TOX2: variants seen among roughly 807,000 people sequenced by gnomAD.
TOX2 encodes the protein TOX high mobility group box family member 2.
Under a neutral mutation model 47.4 loss-of-function variants are expected in TOX2, and 15 were observed. The ratio of observed to expected loss-of-function variants is 0.32; its 90% confidence interval spans 0.21 to 0.49. The LOEUF (loss-of-function observed/expected upper bound fraction) is 0.49. TOX2 is among the 20% of genes least tolerant of loss of function. The probability of loss-of-function intolerance (pLI) is 0.99; values close to 1 mark genes in which losing one functional copy is unlikely to be tolerated. For missense variants in TOX2, 622 were observed against 673.1 expected, an observed-to-expected ratio of 0.92 and a Z score of 0.84; for synonymous variants, 290 against 296.6, an observed-to-expected ratio of 0.98 and a Z score of 0.23.
intron 5 of TOX2, among the ~76,000 whole-genome samples, chr20:44,057,726 CATTT>C (rs2071645942): frequency 6.6e-6 from 1 of 151,952 alleles, no homozygotes; most frequent in African/African-American, 2.4e-5. Flanking sequence ...AAACAATAAT[CATTT>C]ATTCAACTTA....
At chr20:43,968,887 A>T (rs2069908990) in intron 1 of TOX2, among the ~76,000 whole-genome samples, 1 of 152,204 alleles carries the variant, frequency 6.6e-6, no homozygotes, top group Non-Finnish European at 1.5e-5. Flanking sequence ...AGCATAGGGA[A>T]GGCTGTGTGG....
At chr20:44,005,307 A>G (rs2070658395) in intron 2 of TOX2, among the ~76,000 whole-genome samples, 1 of 152,102 alleles carries the variant, frequency 6.6e-6, no homozygotes, top group Admixed American at 6.6e-5. Flanking sequence ...TCTCTTTCAT[A>G]TTTCCTTTTT....
chr20:44,005,933 C>T (rs929789660), intron 2 of TOX2, among the ~76,000 whole-genome samples: 1 of 150,996 alleles, frequency 6.6e-6, no homozygotes, highest in Middle Eastern at 3.4e-3. Flanking sequence ...GACAGTTTGG[C>T]GAGGTGGGAA....
At chr20:43,933,343 A>C (rs1257735387) in intron 1 of TOX2, among the ~76,000 whole-genome samples, 1 of 152,236 alleles carries the variant, frequency 6.6e-6, no homozygotes, top group Non-Finnish European at 1.5e-5. Context: ...GCTGATCCCC[A>C]CAGAGGGCTG....
rs901072676 is a variant in TOX2, at chr20:44,066,947, G to A, written c.1484+90G>A. The A allele has an allele frequency of 1.4e-5, 22 of 1,532,652 alleles. No individual in the cohort carries two copies. The East Asian group carries it at 2.9e-4, about 21-fold the overall frequency. 94.9% of individuals were successfully genotyped at this position (1,532,652 alleles called of 1,614,324 possible). On this transcript the variant is annotated intron_variant, in intron 8 of 8. Coordinates refer to ENST00000341197, the MANE Select transcript of TOX2 (RefSeq NM_001098797.2). ...GGATGGGAGAATGGCCAAGGGCAAC[G>A]TGGACAGGGGAGGACCCTGCAGTCA...
chr20:44,057,743 A>G (rs531844841), intron 5 of TOX2, among the ~76,000 whole-genome samples: 2 of 152,224 alleles, frequency 1.3e-5, no homozygotes, highest in South Asian at 4.1e-4. Flanking sequence ...TCAACTTATG[A>G]TTCTGAGGGT....
At chr20:44,044,528 G>A (rs1285845799) in intron 3 of TOX2, among the ~76,000 whole-genome samples, 3 of 151,870 alleles carry the variant, frequency 2.0e-5, no homozygotes, top group South Asian at 4.2e-4. Flanking sequence ...TATCCCTACC[G>A]GACAAAATTT....
rs1283212287 is a variant in TOX2, at chr20:44,069,363, C to T, written c.*677C>T. On this transcript the variant is annotated 3_prime_UTR_variant, in exon 9 of 9. Transcript: ENST00000341197. ...GCAAGGACCGGACGCTTGCTAGCCA[C>T]CCCGGAGCACTGCTCTCCTTTTAAT... The T allele has an allele frequency of 2.4e-5, 4 of 165,652 alleles. No homozygotes were observed. The highest frequency in any genetic ancestry group is 5.3e-5 in the Non-Finnish European group (4 of 75,622). 10.3% of individuals were successfully genotyped at this position (165,652 alleles called of 1,614,324 possible).
chr20:44,027,879 C>T (rs2071090059), intron 3 of TOX2, among the ~76,000 whole-genome samples: 1 of 152,112 alleles, frequency 6.6e-6, no homozygotes, highest in South Asian at 2.1e-4. Flanking sequence ...GAGGGAGGTC[C>T]CACTTAGGGG....
intron 1 of TOX2, among the ~76,000 whole-genome samples, chr20:43,960,094 G>A (rs190555509): frequency 3.9e-5 from 6 of 152,316 alleles, no homozygotes; most frequent in African/African-American, 1.4e-4. Context: ...TACCTTGTGA[G>A]GTTGTCGTGA....
intron 3 of TOX2, among the ~76,000 whole-genome samples, chr20:44,044,422 T>TAAA (rs3037502): frequency 0.015 from 2,088 of 143,502 alleles, 44 homozygotes; most frequent in African/African-American, 0.051. Context: ...ACTTAAAGCA[T>TAAA]AAAAAAAAAA....
chr20:43,923,055 C>T (rs566864476), intron 1 of TOX2, among the ~76,000 whole-genome samples: 1 of 150,482 alleles, frequency 6.6e-6, no homozygotes, highest in South Asian at 2.1e-4. Flanking sequence ...AGGTGGGCTG[C>T]CTGGGGGCAT....
chr20:44,021,165 T>C (rs898431483), intron 3 of TOX2, among the ~76,000 whole-genome samples: 1 of 151,970 alleles, frequency 6.6e-6, no homozygotes, highest in Non-Finnish European at 1.5e-5. Flanking sequence ...ATCAGGGACG[T>C]CTTGTGACCA....
At position 43,951,728 on chromosome 20, in the gene TOX2, T is replaced by TTA. The variant is rs1344889572; in HGVS notation, c.100-21639_100-21638insTA. Among the ~76,000 whole-genome samples, 3 of 143,926 alleles carry TTA rather than the reference T, an allele frequency of 2.1e-5. No homozygotes were observed. In the East Asian group the frequency reaches 6.0e-4, roughly 29 times the overall value. 94.4% of individuals were successfully genotyped at this position (143,926 alleles called of 152,430 possible). ...TTATGTTTTTTTTTTTTTTTTTTTT[T>TTA]AGAGAAAGGGTCTTGCTCTGTCAAC... On this transcript the variant is annotated intron_variant, in intron 1 of 8. Coordinates refer to ENST00000341197, the MANE Select transcript of TOX2 (RefSeq NM_001098797.2).
At chr20:43,927,363 C>T (rs1327828185) in intron 1 of TOX2, among the ~76,000 whole-genome samples, 2 of 151,894 alleles carry the variant, frequency 1.3e-5, no homozygotes, top group Admixed American at 6.6e-5. Context: ...ACTTTTTTCC[C>T]CTGTGGGCTG....
In TOX2 at chr20:44,066,044, C is replaced by T. The variant is rs1462588279; in HGVS notation, c.1293C>T (p.Val431=). 6.3e-7 allele frequency: 1 copy of T among 1,591,970 alleles called. No homozygotes were observed. Among genetic ancestry groups the T allele is most frequent in the Admixed American group, 1.7e-5 (1 of 58,794 alleles). The change falls in exon 7 of 9, where the codon GTC becomes GTT. Residue 431 remains valine, a synonymous_variant. Transcript: ENST00000341197. ...TGTCCCCAGCCCCCCAGCCCCCTGT[C>T]CTGCCCACCCCCATGGCACTCCAGG... ...VSMSPAPQPP[V]LPTPMALQVQ...
intron 1 of TOX2, among the ~76,000 whole-genome samples, chr20:43,932,160 C>T (rs980708738): frequency 6.6e-6 from 1 of 152,130 alleles, no homozygotes; most frequent in Non-Finnish European, 1.5e-5. Context: ...TTTATGGCTC[C>T]TGATTTCTGC....
chr20:44,056,010 G>A (rs2071609600), intron 5 of TOX2, among the ~76,000 whole-genome samples: 1 of 152,200 alleles, frequency 6.6e-6, no homozygotes, highest in African/African-American at 2.4e-5. Flanking sequence ...GGAAAGGAGG[G>A]CAGCCAGGAA....
intron 1 of TOX2, among the ~76,000 whole-genome samples, chr20:43,931,590 C>A (rs1275931722): frequency 6.6e-6 from 1 of 152,202 alleles, no homozygotes; most frequent in Non-Finnish European, 1.5e-5. Flanking sequence ...GAGACATGGG[C>A]TTCAGAGGCC....
Sources: gnomAD v4.1 joint callset for allele counts (sites outside exome capture counted in the v4.1 genomes callset) on GRCh38, gnomAD v4.1.1 for gene constraint, MANE v1.5 for transcripts, NCBI Gene and HGNC (gene_info 2026-07-23, HGNC 2026-07-21) for gene names.